Variants in BNC2 observed in about 807,000 individuals in gnomAD.
BNC2 encodes basonuclin zinc finger protein 2, also known as zinc finger protein basonuclin-2.
A neutral mutation model predicts 76.3 loss-of-function variants in BNC2; 20 were observed. The ratio of observed to expected loss-of-function variants is 0.26; its 90% CI spans 0.18 to 0.38. The LOEUF (loss-of-function observed/expected upper bound fraction) is 0.38. Ranked by LOEUF, BNC2 falls within the 10% of genes least tolerant of loss-of-function variation. BNC2 has a pLI of 1.00. For synonymous variants in BNC2, 582 were observed against 514.8 expected (o/e 1.13, Z -1.77); for missense variants, 1,382 against 1,399.8 (o/e 0.99, Z 0.20).
chr9:16,738,936 C>A (rs993317637), intron 1 of BNC2, among the ~76,000 whole-genome samples: 1 of 150,234 alleles, frequency 6.7e-6, no homozygotes, highest in Non-Finnish European at 1.5e-5. Context: ...AGGAGATAAG[C>A]TATGAACAAA....
intron 3 of BNC2, among the ~76,000 whole-genome samples, chr9:16,595,117 T>C (rs1420087288): frequency 6.6e-6 from 1 of 152,118 alleles, no homozygotes. Context: ...TATTAAGAAA[T>C]GTCAAAATCT....
intron 1 of BNC2, among the ~76,000 whole-genome samples, chr9:16,836,989 C>T (rs984484744): frequency 1.1e-4 from 16 of 148,498 alleles, no homozygotes; most frequent in African/African-American, 3.5e-4. Flanking sequence ...TTGGCTCTGC[C>T]AAAAAAAAAA....
At chr9:16,848,849 C>T (rs956152390) in intron 1 of BNC2, among the ~76,000 whole-genome samples, 9 of 152,164 alleles carry the variant, frequency 5.9e-5, no homozygotes, top group African/African-American at 2.2e-4. Context: ...GACACCATTG[C>T]TTTCTGATGT....
intron 1 of BNC2, among the ~76,000 whole-genome samples, chr9:16,780,428 T>C (rs1586878550): frequency 2.0e-5 from 3 of 147,084 alleles, no homozygotes; most frequent in Admixed American, 1.4e-4. Flanking sequence ...AAAAATTATC[T>C]GGGCGTAGTG....
intron 1 of BNC2, among the ~76,000 whole-genome samples, chr9:16,870,133 G>C (rs996368617): frequency 7.2e-5 from 11 of 152,132 alleles, no homozygotes; most frequent in Admixed American, 2.0e-4. Flanking sequence ...CAACGTGCCG[G>C]GCCCGGGCGG....
At position 16,412,960 on chromosome 9, in the gene BNC2, G is replaced by C. The variant is rs1820505591; in HGVS notation, c.*6029C>G. On this transcript the variant is annotated 3_prime_UTR_variant, in exon 7 of 7. Transcript: ENST00000380672. The stretch of plus-strand genomic sequence containing the variant: ...GCCAGGGCAATAAGTAGCCAGGAGA[G>C]CTGGGCTGAAGCAGAGAGGGTGTTG... The C allele has an allele frequency of 6.5e-6, 1 of 152,722 alleles. No individual in the cohort carries two copies. The highest frequency in any genetic ancestry group is 1.5e-5 in the Non-Finnish European group (1 of 68,100). 9.5% of individuals were successfully genotyped at this position (152,722 alleles called of 1,614,324 possible). A position where few individuals can be genotyped will look rare whatever the true frequency, so the allele number is the denominator to read the frequency against.
At chr9:16,754,043 C>T (rs1232484788) in intron 1 of BNC2, among the ~76,000 whole-genome samples, 3 of 152,054 alleles carry the variant, frequency 2.0e-5, no homozygotes, top group Admixed American at 6.6e-5. Context: ...TCAGAGTGCT[C>T]GCTTATAGCC....
chr9:16,777,265 G>C (rs1218520197), intron 1 of BNC2, among the ~76,000 whole-genome samples: 1 of 152,164 alleles, frequency 6.6e-6, no homozygotes. Context: ...GAACACATTA[G>C]AAAACTAGTA....
intron 1 of BNC2, among the ~76,000 whole-genome samples, chr9:16,742,993 T>C (rs1824893759): frequency 6.6e-6 from 1 of 152,186 alleles, no homozygotes; most frequent in African/African-American, 2.4e-5. Flanking sequence ...ATGGACCTCA[T>C]GAGTGAGAAA....
At chr9:16,463,090 G>A (rs1821619999) in intron 5 of BNC2, among the ~76,000 whole-genome samples, 2 of 152,040 alleles carry the variant, frequency 1.3e-5, no homozygotes, top group South Asian at 4.1e-4. Context: ...GTTCTGAAAG[G>A]TGTGCAGGGA....
intron 5 of BNC2, among the ~76,000 whole-genome samples, chr9:16,497,982 T>TGTGG (rs1822426964): frequency 1.8e-5 from 2 of 110,362 alleles, no homozygotes; most frequent in African/African-American, 1.2e-4. Flanking sequence ...AACTGTGGTG[T>TGTGG]GTGTGTGTGT....
chr9:16,719,294 C>G (rs1252597481), intron 3 of BNC2, among the ~76,000 whole-genome samples: 2 of 152,006 alleles, frequency 1.3e-5, no homozygotes, highest in Non-Finnish European at 2.9e-5. Flanking sequence ...AATAGCCACC[C>G]TAATGATTTA....
At chr9:16,476,070 G>T (rs569193748) in intron 5 of BNC2, 2 of 152,258 alleles carry the variant, frequency 1.3e-5, no homozygotes, top group East Asian at 3.9e-4. Context: ...TGATGAGAAC[G>T]AGGAGTTTTG....
At chr9:16,724,860 C>A (rs1824264163) in intron 3 of BNC2, among the ~76,000 whole-genome samples, 1 of 152,042 alleles carries the variant, frequency 6.6e-6, no homozygotes, top group South Asian at 2.1e-4. Context: ...ATCTGTAACT[C>A]AGTTTTGAAA....
At position 16,677,782 on chromosome 9, in the gene BNC2, G is replaced by A. The variant is rs149751088; in HGVS notation, c.330+50015C>T. On this transcript the variant is annotated intron_variant, in intron 3 of 6. Transcript: ENST00000380672. ...CTTTCACTAATAACAATTTCATTCT[G>A]GTCCAGGGAAGAGGATAACTCAATG... 4.6e-3 allele frequency among the ~76,000 whole-genome samples: 699 copies of A among 152,148 alleles called. 9 individuals carry two copies. The highest frequency in any genetic ancestry group is 0.015 in the African/African-American group (640 of 41,486).
At chr9:16,461,432 C>G (rs1177709671) in intron 5 of BNC2, among the ~76,000 whole-genome samples, 1 of 152,102 alleles carries the variant, frequency 6.6e-6, no homozygotes. Flanking sequence ...TGATAAGAGG[C>G]AAATATCTTT....
chr9:16,806,757 T>C (rs1444596422), intron 1 of BNC2, among the ~76,000 whole-genome samples: 2 of 152,226 alleles, frequency 1.3e-5, no homozygotes, highest in Non-Finnish European at 1.5e-5. Context: ...TCAAAACATG[T>C]TTTAAGATTC....
At chr9:16,845,945 T>G (rs1009956225) in intron 1 of BNC2, among the ~76,000 whole-genome samples, 1 of 151,568 alleles carries the variant, frequency 6.6e-6, no homozygotes, top group African/African-American at 2.4e-5. Flanking sequence ...GTCAGGAGAT[T>G]GAGACCATCC....
In BNC2 at chr9:16,508,849, G is replaced by C. The variant is rs1039439182; in HGVS notation, c.669+43681C>G. Reference sequence around the variant, plus strand: ...TTTTTTTTTTTCTTTTTAGGACATTGTCTTGCTCTGTCACCGAGGCTGGGG... The same window carrying C: ...TTTTTTTTTTTCTTTTTAGGACATTCTCTTGCTCTGTCACCGAGGCTGGGG... On this transcript the variant is annotated intron_variant, in intron 5 of 6. Transcript: ENST00000380672. Among the ~76,000 whole-genome samples, 5 of 131,286 alleles carry C rather than the reference G, an allele frequency of 3.8e-5. No homozygotes were observed. The Admixed American group carries it at 4.1e-4, about 11-fold the overall frequency. 86.1% of individuals were successfully genotyped at this position (131,286 alleles called of 152,430 possible). A position where few individuals can be genotyped will look rare whatever the true frequency, so the allele number is the denominator to read the frequency against.
Sources: gnomAD v4.1 joint callset for allele counts (sites outside exome capture counted in the v4.1 genomes callset) on GRCh38, gnomAD v4.1.1 for gene constraint, MANE v1.5 for transcripts, NCBI Gene and HGNC (gene_info 2026-07-23, HGNC 2026-07-21) for gene names.